The following ZFHX3 variants were observed in gnomAD, a reference collection of about 807,000 sequenced individuals.
ZFHX3 encodes the protein zinc finger homeobox 3.
In ZFHX3, 42 loss-of-function variants were observed where a neutral mutation model predicts 279.1. That is an observed-to-expected ratio of 0.15 (90% confidence interval 0.12 to 0.19). The LOEUF (loss-of-function observed/expected upper bound fraction) is 0.19. ZFHX3 is among the 10% of genes least tolerant of loss of function. The probability of loss-of-function intolerance (pLI) is 1.00; values close to 1 mark genes in which losing one functional copy is unlikely to be tolerated. For synonymous variants in ZFHX3, 2,293 were observed against 1,957.8 expected (o/e 1.17, Z -4.52); for missense variants, 4,981 against 4,754.0 (o/e 1.05, Z -1.40).
chr16:73,319,358 G>A (rs1475445830), intron 3 of ZFHX3, among the ~76,000 whole-genome samples: 1 of 151,978 alleles, frequency 6.6e-6, no homozygotes, highest in Non-Finnish European at 1.5e-5. Context: ...CCACGTGGTT[G>A]GAATTGGAAC....
chr16:73,742,241 C>A (rs574429343), intron 1 of ZFHX3, among the ~76,000 whole-genome samples: 7 of 152,152 alleles, frequency 4.6e-5, no homozygotes, highest in Admixed American at 1.3e-4. Context: ...TTCTATCATG[C>A]CTTTGTCTAG....
chr16:73,157,008 G>A (rs538109473), intron 5 of ZFHX3, among the ~76,000 whole-genome samples: 65 of 152,194 alleles, frequency 4.3e-4, no homozygotes, highest in Non-Finnish European at 7.5e-4. Context: ...CACCGTGCCC[G>A]GCCTCCTGGC....
intron 1 of ZFHX3, among the ~76,000 whole-genome samples, chr16:73,745,122 G>A (rs1324471145): frequency 1.3e-5 from 2 of 152,156 alleles, no homozygotes; most frequent in Non-Finnish European, 1.5e-5. Flanking sequence ...TTCTTTATAG[G>A]AAGGGTGGAA....
chr16:73,792,010 G>A (rs944454858), intron 1 of ZFHX3, among the ~76,000 whole-genome samples: 8 of 152,126 alleles, frequency 5.3e-5, no homozygotes, highest in Non-Finnish European at 2.9e-5. Flanking sequence ...TAAATCAATG[G>A]CAGAGCCAGA....
At chr16:73,329,453 A>G (rs568346586) in intron 3 of ZFHX3, among the ~76,000 whole-genome samples, 1 of 152,248 alleles carries the variant, frequency 6.6e-6, no homozygotes, top group Non-Finnish European at 1.5e-5. Flanking sequence ...TATTGAATTC[A>G]TGTCCAGATG....
chr16:73,199,299 A>C (rs1968220285), intron 5 of ZFHX3, among the ~76,000 whole-genome samples: 1 of 152,336 alleles, frequency 6.6e-6, no homozygotes, highest in East Asian at 1.9e-4. Flanking sequence ...TAGACACCTA[A>C]GGTGACAAAG....
At chr16:72,829,746 C>T in intron 5 of ZFHX3, 33 bp downstream of exon 5, 4 of 1,607,998 alleles carry the variant, frequency 2.5e-6, no homozygotes, top group South Asian at 1.1e-5. Flanking sequence ...CAGCCACACA[C>T]ACTACCTGTC....
At chr16:73,105,066 T>C (rs1372185455) in intron 7 of ZFHX3, among the ~76,000 whole-genome samples, 2 of 151,988 alleles carry the variant, frequency 1.3e-5, no homozygotes, top group African/African-American at 4.8e-5. Flanking sequence ...GGCGATGAGC[T>C]CTTGCACAAA....
At chr16:72,896,845 AACAG>A (rs1208510338) in intron 3 of ZFHX3, among the ~76,000 whole-genome samples, 3 of 152,194 alleles carry the variant, frequency 2.0e-5, no homozygotes, top group Non-Finnish European at 2.9e-5. Context: ...TTAAAGTAGA[AACAG>A]ACAAAGTACA....
chr16:73,399,996 T>G (rs1013466525), intron 3 of ZFHX3: 1 of 151,856 alleles, frequency 6.6e-6, no homozygotes, highest in Non-Finnish European at 1.5e-5. Context: ...CACACGCATA[T>G]GTACAAAACC....
At chr16:73,841,857 C>G (rs1294913349) in intron 1 of ZFHX3, among the ~76,000 whole-genome samples, 3 of 152,264 alleles carry the variant, frequency 2.0e-5, no homozygotes, top group Non-Finnish European at 1.5e-5. Flanking sequence ...ACTTTCTTTG[C>G]ACATGAGCGC....
At chr16:73,310,920 A>G (rs1411199646) in intron 4 of ZFHX3, among the ~76,000 whole-genome samples, 1 of 152,178 alleles carries the variant, frequency 6.6e-6, no homozygotes, top group East Asian at 1.9e-4. Context: ...CAACAAATGC[A>G]TCACACACAT....
chr16:72,921,165 C>T lies in ZFHX3; in HGVS notation c.3216+29304G>A, dbSNP rs556826953. ...ATCTAGGCATTCATTCACTTAAGGA[C>T]GGAGCTCATTTCTGAATTACAGACC... On this transcript the variant is annotated intron_variant, in intron 3 of 9. Coordinates refer to ENST00000268489, the MANE Select transcript of ZFHX3 (RefSeq NM_006885.4). 1.6e-4 allele frequency among the ~76,000 whole-genome samples: 24 copies of T among 150,714 alleles called. 1 individual carries two copies. The South Asian group carries it at 2.3e-3, about 15-fold the overall frequency.
intron 1 of ZFHX3, among the ~76,000 whole-genome samples, chr16:73,850,224 T>G (rs914933192): frequency 2.6e-5 from 4 of 152,212 alleles, no homozygotes; most frequent in African/African-American, 7.2e-5. Flanking sequence ...GACATCTCCA[T>G]TAGTTATTAA....
intron 4 of ZFHX3, among the ~76,000 whole-genome samples, chr16:72,855,116 T>A (rs890123689): frequency 6.6e-6 from 1 of 152,194 alleles, no homozygotes; most frequent in Non-Finnish European, 1.5e-5. Context: ...CAATTCCCCA[T>A]CTTCAACCTC....
intron 4 of ZFHX3, among the ~76,000 whole-genome samples, chr16:72,884,009 A>C (rs1056281996): frequency 2.0e-5 from 3 of 151,696 alleles, no homozygotes; most frequent in Non-Finnish European, 4.4e-5. Flanking sequence ...AATTGCATAT[A>C]ATTTAGCTAT....
At chr16:73,591,336 A>C (rs575012909) in intron 2 of ZFHX3, among the ~76,000 whole-genome samples, 2 of 141,476 alleles carry the variant, frequency 1.4e-5, no homozygotes, top group African/African-American at 5.3e-5. Context: ...CTGGGTGACA[A>C]AGCAAGACTC....
chr16:72,882,826 G>A (rs952727678), intron 4 of ZFHX3, among the ~76,000 whole-genome samples: 25 of 152,042 alleles, frequency 1.6e-4, no homozygotes, highest in African/African-American at 5.8e-4. Flanking sequence ...TAATTTCCCT[G>A]ACTCTGGCTT....
intron 1 of ZFHX3, among the ~76,000 whole-genome samples, chr16:73,711,103 C>A (rs1185790316): frequency 1.3e-5 from 2 of 152,182 alleles, no homozygotes; most frequent in South Asian, 2.1e-4. Flanking sequence ...AGAACACAGA[C>A]CTTGTCCATT....
Sources: allele counts gnomAD v4.1 joint callset (sites outside exome capture counted in the v4.1 genomes callset), GRCh38; gene constraint gnomAD v4.1.1; transcripts MANE v1.5; gene names NCBI Gene and HGNC (gene_info 2026-07-23, HGNC 2026-07-21).